ATXN1: variants seen among roughly 807,000 people sequenced by gnomAD.
ATXN1 encodes the protein ataxin 1, also known as ataxin-1.
A neutral mutation model predicts 56.4 loss-of-function variants in ATXN1; 8 were observed. That is an observed-to-expected ratio of 0.14 (90% CI 0.08 to 0.26). ATXN1 has a LOEUF of 0.26. Ranked by LOEUF, ATXN1 falls within the 10% of genes least tolerant of loss-of-function variation. ATXN1 has a pLI of 1.00. For synonymous variants in ATXN1, 514 were observed against 494.6 expected, an observed-to-expected ratio of 1.04 and a Z score of -0.52; for missense variants, 987 against 1,106.5, an observed-to-expected ratio of 0.89 and a Z score of 1.53.
chr6:16,671,061 T>C (rs988599676), intron 2 of ATXN1, among the ~76,000 whole-genome samples: 1 of 151,898 alleles, frequency 6.6e-6, no homozygotes, highest in African/African-American at 2.4e-5. Context: ...AATTTGCTTT[T>C]ATAAAAGTCC....
At chr6:16,438,564 T>G (rs1365244136) in intron 6 of ATXN1, among the ~76,000 whole-genome samples, 4 of 152,180 alleles carry the variant, frequency 2.6e-5, no homozygotes, top group Non-Finnish European at 5.9e-5. Flanking sequence ...AAATGAGAAG[T>G]CCTACACCTC....
chr6:16,606,867 T>TTGTGTGTGTGTGTGTGTGTGTGGGTG (rs759331296), intron 3 of ATXN1, among the ~76,000 whole-genome samples: 1 of 126,712 alleles, frequency 7.9e-6, no homozygotes. Flanking sequence ...GTTCCATGAG[T>TTGTGTGTGTGTGTGTGTGTGTGGGTG]TGTGTGTGTG....
intron 2 of ATXN1, among the ~76,000 whole-genome samples, chr6:16,707,927 A>G (rs1182858375): frequency 1.3e-5 from 2 of 152,244 alleles, no homozygotes; most frequent in Non-Finnish European, 2.9e-5. Context: ...CAAAAAGTAA[A>G]GCCAAGTAGA....
At chr6:16,747,374 A>G (rs1291693459) in intron 2 of ATXN1, among the ~76,000 whole-genome samples, 1 of 152,136 alleles carries the variant, frequency 6.6e-6, no homozygotes, top group Non-Finnish European at 1.5e-5. Flanking sequence ...CAACAAGCCC[A>G]TCGCTGTTAA....
intron 6 of ATXN1, among the ~76,000 whole-genome samples, chr6:16,386,074 T>TA (rs144533684): frequency 4.7e-4 from 72 of 152,362 alleles, no homozygotes; most frequent in African/African-American, 1.7e-3. Context: ...GAGCAAGTGG[T>TA]AATCCTCACA....
rs1190717751 is a variant in ATXN1 at position 16,645,675 on chromosome 6, A to G, written c.-489+12101T>C. Among the ~76,000 whole-genome samples, 3 of 152,244 alleles carry G rather than the reference A, an allele frequency of 2.0e-5. No homozygotes were observed. The East Asian group carries it at 5.8e-4, about 29-fold the overall frequency. ...TTATAATATTAATAACATATAATTG[A>G]AATGCAAAAATTACACTCTCTACCT... On this transcript the variant is annotated intron_variant, in intron 3 of 7. Coordinates refer to ENST00000436367, the MANE Select transcript of ATXN1 (RefSeq NM_001128164.2).
chr6:16,588,124 C>A (rs1762661194), intron 3 of ATXN1, among the ~76,000 whole-genome samples: 1 of 152,040 alleles, frequency 6.6e-6, no homozygotes, highest in Non-Finnish European at 1.5e-5. Context: ...CTTCCTCTCC[C>A]AAATTATGCC....
intron 4 of ATXN1, among the ~76,000 whole-genome samples, chr6:16,558,686 A>T (rs902634944): frequency 6.6e-6 from 1 of 152,180 alleles, no homozygotes; most frequent in Non-Finnish European, 1.5e-5. Flanking sequence ...TATTATTTTT[A>T]AAATACTAAT....
At chr6:16,604,834 C>A (rs1284460023) in intron 3 of ATXN1, among the ~76,000 whole-genome samples, 1 of 152,116 alleles carries the variant, frequency 6.6e-6, no homozygotes, top group African/African-American at 2.4e-5. Flanking sequence ...AATCCTCCCA[C>A]TTTGGCTTCA....
chr6:16,430,730 T>C (rs1759265055), intron 6 of ATXN1, among the ~76,000 whole-genome samples: 1 of 151,612 alleles, frequency 6.6e-6, no homozygotes, highest in Non-Finnish European at 1.5e-5. Context: ...TGTGCGCGTG[T>C]GTGTGTGTGT....
chr6:16,369,187 T>C lies in ATXN1; in HGVS notation c.-160-40717A>G, dbSNP rs549732432. On this transcript the variant is annotated intron_variant, in intron 6 of 7. Coordinates refer to ENST00000436367, the MANE Select transcript of ATXN1 (RefSeq NM_001128164.2). ...TCTATGTTAAAGTAACTTGAAATCA[T>C]CTACCTTGTCTTCTAAAACTCCTCT... Among the ~76,000 whole-genome samples, 21 of 152,348 alleles carry C rather than the reference T, an allele frequency of 1.4e-4. 1 individual carries two copies. In the South Asian group the frequency reaches 1.9e-3, roughly 14 times the overall value.
intron 3 of ATXN1, among the ~76,000 whole-genome samples, chr6:16,616,687 T>C (rs1039890212): frequency 6.9e-6 from 1 of 144,258 alleles, no homozygotes; most frequent in African/African-American, 2.6e-5. Context: ...TTAATAATTA[T>C]ATATAATGGT....
chr6:16,731,483 T>TTTTA (rs1561827000), intron 2 of ATXN1, among the ~76,000 whole-genome samples: 8 of 122,794 alleles, frequency 6.5e-5, no homozygotes, highest in Non-Finnish European at 1.0e-4. Context: ...TTTTTTTTTT[T>TTTTA]AATAAAAACG....
At chr6:16,376,480 A>G (rs558496621) in intron 6 of ATXN1, among the ~76,000 whole-genome samples, 1 of 152,334 alleles carries the variant, frequency 6.6e-6, no homozygotes, top group East Asian at 1.9e-4. Context: ...ACTGTAGCTT[A>G]AACCAACAAT....
At chr6:16,756,964 C>T (rs1760905370) in intron 1 of ATXN1, among the ~76,000 whole-genome samples, 1 of 152,158 alleles carries the variant, frequency 6.6e-6, no homozygotes, top group Admixed American at 6.5e-5. Flanking sequence ...ACAATAAAGG[C>T]ACAACATTAT....
chr6:16,333,928 G>A (rs1581696333), intron 6 of ATXN1, among the ~76,000 whole-genome samples: 1 of 151,752 alleles, frequency 6.6e-6, no homozygotes, highest in East Asian at 2.1e-4. Context: ...AATGGAGAAA[G>A]GTGGATTGGA....
intron 2 of ATXN1, among the ~76,000 whole-genome samples, chr6:16,724,081 A>G (rs1312973851): frequency 2.0e-5 from 3 of 152,180 alleles, no homozygotes; most frequent in Non-Finnish European, 1.5e-5. Flanking sequence ...CATGCCTCAG[A>G]CTGGAAGTTC....
intron 6 of ATXN1, among the ~76,000 whole-genome samples, chr6:16,354,716 C>T (rs2113465554): frequency 6.6e-6 from 1 of 152,280 alleles, no homozygotes; most frequent in East Asian, 1.9e-4. Flanking sequence ...ACCTTAGTTG[C>T]TTGGAGGCAA....
At chr6:16,384,708 C>T (rs1190415216) in intron 6 of ATXN1, among the ~76,000 whole-genome samples, 1 of 152,182 alleles carries the variant, frequency 6.6e-6, no homozygotes, top group African/African-American at 2.4e-5. Flanking sequence ...TGTGTAGCAC[C>T]TCCCCTTTCC....
Sources: gnomAD v4.1 joint callset for allele counts (sites outside exome capture counted in the v4.1 genomes callset) on GRCh38, gnomAD v4.1.1 for gene constraint, MANE v1.5 for transcripts, NCBI Gene and HGNC (gene_info 2026-07-23, HGNC 2026-07-21) for gene names.